CHFR: variants seen among roughly 807,000 people sequenced by gnomAD.
CHFR encodes E3 ubiquitin-protein ligase CHFR.
CHFR carries 57 observed loss-of-function variants against 87.6 expected under a neutral mutation model. The ratio of observed to expected loss-of-function variants is 0.65; its 90% confidence interval spans 0.53 to 0.81. The LOEUF is 0.81. CHFR is among the 30% of genes least tolerant of loss of function. The pLI is 0.00. For missense variants in CHFR, 797 were observed against 865.8 expected (o/e 0.92, Z 1.00); for synonymous variants, 381 against 359.2 (o/e 1.06, Z -0.69).
chr12:132,854,316 C>G (rs544740314), intron 10 of CHFR: 1 of 152,190 alleles, frequency 6.6e-6, no homozygotes, highest in Admixed American at 6.5e-5. Flanking sequence ...GCACCCTTTC[C>G]GATCGGTGTC....
intron 6 of CHFR, among the ~76,000 whole-genome samples, chr12:132,862,633 C>G (rs1951240189): frequency 6.6e-6 from 1 of 152,050 alleles, no homozygotes; most frequent in Admixed American, 6.6e-5. Context: ...CTCTGTTGCC[C>G]AGGCTGGAGT....
rs1159673966 is a variant in CHFR, at chr12:132,833,594, A to G, written c.*7960T>C. On this transcript the variant is annotated 3_prime_UTR_variant, in exon 18 of 18. Coordinates refer to ENST00000450056, the MANE Select transcript of CHFR (RefSeq NM_001161346.2). ...AGCACTGTGGGAGGTAGAGGCGGGC[A>G]GATCGCTTGAACTCAGGAGTTCAAG... 1 of 152,266 alleles carries G rather than the reference A, an allele frequency of 6.6e-6. No individual in the cohort carries two copies. The highest frequency in any genetic ancestry group is 1.5e-5 in the Non-Finnish European group (1 of 68,098). The allele number at this position is 152,266 out of a possible 1,614,324, so 9.4% of individuals were successfully genotyped here.
rs772354359 is a variant in CHFR, at chr12:132,843,079, G to A, written c.1848C>T (p.Ala616=). Residue 616 remains alanine, a synonymous_variant, in exon 17 of 18, where the codon GCC becomes GCT. Coordinates refer to ENST00000450056, the MANE Select transcript of CHFR (RefSeq NM_001161346.2). ...AGTAGCAGTCAGGACGGGATGTTACGGCCACTGGAAAAAGAGAAGGGGTAC... is the reference window on the plus strand; with the variant it reads ...AGTAGCAGTCAGGACGGGATGTTACAGCCACTGGAAAAAGAGAAGGGGTAC... ...QNIPASELPV[A]VTSRPDCYWG... 12 of 1,612,772 alleles carry A rather than the reference G, an allele frequency of 7.4e-6. No homozygotes were observed. Among genetic ancestry groups the A allele is most frequent in the Admixed American group, 1.7e-5 (1 of 59,844 alleles).
intron 10 of CHFR, chr12:132,853,833 TC>T: frequency 4.1e-6 from 2 of 483,646 alleles, no homozygotes; most frequent in East Asian, 4.0e-5. Flanking sequence ...GGTCACTAGG[TC>T]CCCACTGACG....
At chr12:132,843,990 C>T (rs1377177709) in intron 16 of CHFR, 37 bp downstream of exon 16, 3 of 1,365,764 alleles carry the variant, frequency 2.2e-6, no homozygotes, top group East Asian at 4.6e-5. Flanking sequence ...CCAACCCAGA[C>T]AGAACTAGAG....
At chr12:132,844,617 C>G (rs746172062) in intron 15 of CHFR, among the ~76,000 whole-genome samples, 1 of 151,056 alleles carries the variant, frequency 6.6e-6, no homozygotes, top group Non-Finnish European at 1.5e-5. Flanking sequence ...AACAATCCCA[C>G]GTGGATATAA....
intron 6 of CHFR, among the ~76,000 whole-genome samples, chr12:132,863,366 G>C (rs1951260582): frequency 6.6e-6 from 1 of 152,008 alleles, no homozygotes; most frequent in Non-Finnish European, 1.5e-5. Flanking sequence ...AATTGGCCGG[G>C]TGTGGTGGCA....
At chr12:132,847,183 A>G in intron 14 of CHFR, 53 bp from the exon 15 acceptor site, 2 of 1,606,876 alleles carry the variant, frequency 1.2e-6, no homozygotes, top group Non-Finnish European at 1.7e-6. Context: ...AGGAAGAAAC[A>G]CTGAAATAAC....
Position 132,835,751 on chromosome 12 carries a change from C to T in CHFR, c.*5803G>A, listed in dbSNP as rs10870521. ...TTTGATCCAGCGGCCCAAGTGGACCCACATTCAAGGCCAGCACTGGGCAGG... is the reference window on the plus strand; with the variant it reads ...TTTGATCCAGCGGCCCAAGTGGACCTACATTCAAGGCCAGCACTGGGCAGG... On this transcript the variant is annotated 3_prime_UTR_variant, in exon 18 of 18. Coordinates refer to ENST00000450056, the MANE Select transcript of CHFR (RefSeq NM_001161346.2). 107,652 of 260,238 alleles carry T rather than the reference C, an allele frequency of 0.41. 24,186 individuals carry two copies. Among genetic ancestry groups the T allele is most frequent in the Non-Finnish European group, 0.49 (64,175 of 130,956 alleles). The allele number at this position is 260,238 out of a possible 1,614,324, so 16.1% of individuals were successfully genotyped here.
rs904020201 is a variant in CHFR, at chr12:132,839,181, G to A, written c.*2373C>T. ...TCTTGTTTCTACTTTTTGGAGATGG[G>A]AAGGGGAAGAGTGAGTATCAACCGA... On this transcript the variant is annotated 3_prime_UTR_variant, in exon 18 of 18. Coordinates refer to ENST00000450056, the MANE Select transcript of CHFR (RefSeq NM_001161346.2). The A allele has an allele frequency of 2.0e-5, 3 of 152,780 alleles. No homozygotes were observed. Among genetic ancestry groups the A allele is most frequent in the Non-Finnish European group, 4.4e-5 (3 of 68,410 alleles). 9.5% of individuals were successfully genotyped at this position (152,780 alleles called of 1,614,324 possible). A position where few individuals can be genotyped will look rare whatever the true frequency, so the allele number is the denominator to read the frequency against.
chr12:132,855,375 T>C (rs933870499), intron 10 of CHFR, among the ~76,000 whole-genome samples: 1 of 151,440 alleles, frequency 6.6e-6, no homozygotes, highest in African/African-American at 2.4e-5. Context: ...TGCGCCAAGA[T>C]TGTGCCATTG....
chr12:132,856,651 C>T (rs3816759), intron 9 of CHFR, 21 bp from the exon 10 acceptor site: 283,697 of 1,609,886 alleles, frequency 0.18, 26,680 homozygotes, highest in Middle Eastern at 0.23. Flanking sequence ...AAGGACACAG[C>T]GCCATTCACC....
At chr12:132,855,378 T>C (rs1951043509) in intron 10 of CHFR, among the ~76,000 whole-genome samples, 1 of 151,588 alleles carries the variant, frequency 6.6e-6, no homozygotes, top group Non-Finnish European at 1.5e-5. Flanking sequence ...GCCAAGATTG[T>C]GCCATTGGCA....
chr12:132,887,069 G>T, intron 2 of CHFR, 127 bp downstream of exon 2: 1 of 753,276 alleles, frequency 1.3e-6, no homozygotes, highest in Non-Finnish European at 2.0e-6. Flanking sequence ...ATAAATACCA[G>T]TTCTTACATG....
intron 4 of CHFR, 43 bp downstream of exon 4, chr12:132,872,242 C>A (rs771231844): frequency 4.6e-6 from 6 of 1,298,144 alleles, no homozygotes; most frequent in South Asian, 1.2e-5. Flanking sequence ...CTCACGTGCA[C>A]CCCCGTGCGG....
At chr12:132,857,670 C>G (rs906465070) in intron 8 of CHFR, 111 bp from the exon 9 acceptor site, 23 of 1,021,230 alleles carry the variant, frequency 2.3e-5, no homozygotes, top group Admixed American at 1.0e-4. Context: ...GCCCAGCCAT[C>G]GTTCAACCTA....
chr12:132,887,078 T>C (rs1951912796), intron 2 of CHFR, 118 bp downstream of exon 2: 2 of 820,174 alleles, frequency 2.4e-6, no homozygotes, highest in East Asian at 6.7e-5. Context: ...AGTTCTTACA[T>C]GACATTTCAC....
At chr12:132,846,868 G>T (rs113311106) in intron 15 of CHFR, among the ~76,000 whole-genome samples, 175 bp downstream of exon 15, 1 of 152,134 alleles carries the variant, frequency 6.6e-6, no homozygotes, top group Non-Finnish European at 1.5e-5. Flanking sequence ...CAACAAGAGC[G>T]AGACTCCATC....
intron 6 of CHFR, chr12:132,861,849 G>C: frequency 7.4e-6 from 4 of 537,686 alleles, no homozygotes; most frequent in Admixed American, 3.0e-5. Context: ...TGGGGGCAAG[G>C]AGCCCATTTG....
Sources: allele counts gnomAD v4.1 joint callset (sites outside exome capture counted in the v4.1 genomes callset), GRCh38; gene constraint gnomAD v4.1.1; transcripts MANE v1.5; gene names NCBI Gene and HGNC (gene_info 2026-07-23, HGNC 2026-07-21).